The following VWF variants were observed in gnomAD, a reference collection of about 807,000 sequenced individuals.
VWF encodes von Willebrand factor.
VWF carries 176 observed loss-of-function variants against 308.6 expected under a neutral mutation model. The ratio of observed to expected loss-of-function variants is 0.57; its 90% CI spans 0.50 to 0.65. The LOEUF (loss-of-function observed/expected upper bound fraction) is 0.65, where lower values mean the gene tolerates loss of function less well. Ranked by LOEUF, VWF falls within the 30% of genes least tolerant of loss-of-function variation. The probability of loss-of-function intolerance (pLI) is 0.00; values close to 1 mark genes in which losing one functional copy is unlikely to be tolerated. For synonymous variants in VWF, 1,385 were observed against 1,443.4 expected (o/e 0.96, Z 0.92); for missense variants, 3,146 against 3,648.2 (o/e 0.86, Z 3.55).
At chr12:6,109,224 C>T (rs1369888069) in intron 5 of VWF, among the ~76,000 whole-genome samples, 2 of 151,312 alleles carry the variant, frequency 1.3e-5, no homozygotes, top group Non-Finnish European at 2.9e-5. Context: ...TAAATACACA[C>T]ACACAGAGAC....
chr12:6,104,427 C>G (rs1945217934), intron 5 of VWF, among the ~76,000 whole-genome samples: 1 of 151,752 alleles, frequency 6.6e-6, no homozygotes, highest in African/African-American at 2.4e-5. Flanking sequence ...GTGGCTCACA[C>G]CTGTAATCCC....
At chr12:6,047,899 T>C (rs1176816890) in intron 16 of VWF, among the ~76,000 whole-genome samples, 2 of 152,180 alleles carry the variant, frequency 1.3e-5, no homozygotes, top group Non-Finnish European at 2.9e-5. Flanking sequence ...TCTGCAGACA[T>C]GTGTCCTAAT....
chr12:5,967,758 C>T (rs549845807), intron 46 of VWF, among the ~76,000 whole-genome samples, 156 bp from the exon 47 acceptor site: 1 of 152,332 alleles, frequency 6.6e-6, no homozygotes, highest in African/African-American at 2.4e-5. Flanking sequence ...CCTTCCCGTC[C>T]TCCCACCTCC....
Position 6,075,716 on chromosome 12 carries a change from G to A in VWF, c.658-165C>T, listed in dbSNP as rs1944835277. Among the ~76,000 whole-genome samples, 1 of 152,234 alleles carries A rather than the reference G, an allele frequency of 6.6e-6. No homozygotes were observed. The highest frequency in any genetic ancestry group is 2.1e-4 in the South Asian group (1 of 4,830). Reference sequence around the variant, plus strand: ...TCAATGCACCAGCCCATCGACCAAGGAAAAGATGCTGGACCCGTGCAATGT... The same window carrying A: ...TCAATGCACCAGCCCATCGACCAAGAAAAAGATGCTGGACCCGTGCAATGT... On this transcript the variant is annotated intron_variant, in intron 6 of 51. Transcript: ENST00000261405. The surrounding 1 kb of genome is among the most constrained non-coding windows in gnomAD (Gnocchi z 4.7).
chr12:6,065,400 C>G, intron 10 of VWF, 127 bp from the exon 11 acceptor site: 1 of 1,255,400 alleles, frequency 8.0e-7, no homozygotes, highest in Non-Finnish European at 1.1e-6. Flanking sequence ...TTTGCCCAAA[C>G]CAGTCTAAAA....
Position 6,016,617 on chromosome 12 carries a change from C to T in VWF, c.5210G>A (p.Ser1737Asn), listed in dbSNP as rs771900602. 1.2e-6 allele frequency: 2 copies of T among 1,614,210 alleles called. No homozygotes were observed. The highest frequency in any genetic ancestry group is 1.7e-6 in the Non-Finnish European group (2 of 1,180,044). ...CCATGGCACGTCAATGGTGGTGATG[C>T]TTCCATACTGCAGCACTGACACCTG... is the stretch of plus-strand genomic sequence containing the variant. Reference protein sequence around the residue: ...LTQVSVLQYGSITTIDVPWNV... With the variant: ...LTQVSVLQYGNITTIDVPWNV... Residue 1737 changes from serine (S) to asparagine (N), a missense_variant, in exon 30 of 52, where the codon AGC (serine) becomes AAC (asparagine). By Grantham distance (46) the Ser-to-Asn change is conservative. Around this residue, in one of 3 missense-constraint regions of VWF, gnomAD observed 853 missense variants for 1,177.8 expected, o/e 0.72. Coordinates refer to ENST00000261405, the MANE Select transcript of VWF (RefSeq NM_000552.5).
intron 14 of VWF, among the ~76,000 whole-genome samples, 180 bp from the exon 15 acceptor site, chr12:6,057,252 C>G (rs1413710082): frequency 1.3e-5 from 2 of 151,608 alleles, no homozygotes; most frequent in Non-Finnish European, 2.9e-5. Context: ...TCATCTAACG[C>G]TGAGTTTGTA....
chr12:6,013,723 A>C, intron 31 of VWF, 78 bp from the exon 32 acceptor site: 2 of 1,522,844 alleles, frequency 1.3e-6, no homozygotes, highest in East Asian at 4.5e-5. Flanking sequence ...TATATCCAGC[A>C]TCTGAATACA....
At position 6,073,691 on chromosome 12, in the gene VWF, C is replaced by A. The variant is rs200615283; in HGVS notation, c.925G>T (p.Ala309Ser). ...MEYRQCVSPCARTCQSLHINE... is the reference protein window; with the variant it reads ...MEYRQCVSPCSRTCQSLHINE... ...ATGTGCAGGCTCTGGCAGGTCCTGGCGCAAGGGGACACACACTGCCTATAC... is the reference window on the plus strand; with the variant it reads ...ATGTGCAGGCTCTGGCAGGTCCTGGAGCAAGGGGACACACACTGCCTATAC... The change falls in exon 8 of 52, where the codon GCC becomes TCC. Residue 309 changes from alanine to serine, a missense_variant. By Grantham distance (99) the Ala-to-Ser change is moderately conservative. Transcript: ENST00000261405. 123 of 1,614,068 alleles carry A rather than the reference C, an allele frequency of 7.6e-5. No individual in the cohort carries two copies. The African/African-American group carries it at 1.2e-3, about 16-fold the overall frequency.
At chr12:5,967,697 G>T in intron 46 of VWF, 95 bp from the exon 47 acceptor site, 1 of 1,088,388 alleles carries the variant, frequency 9.2e-7, no homozygotes, top group Non-Finnish European at 1.4e-6. Flanking sequence ...CCCACCCATA[G>T]CTCCCATGAG....
chr12:5,968,673 G>A lies in VWF; in HGVS notation c.7730-506C>T, dbSNP rs138805584. ...TAGCCGAGTGTGGTGGCGCACGCCT[G>A]TAATCCCAGCTACTTGGAGGCTGAG... On this transcript the variant is annotated intron_variant, in intron 45 of 51. Coordinates refer to ENST00000261405, the MANE Select transcript of VWF (RefSeq NM_000552.5). 7.9e-3 allele frequency among the ~76,000 whole-genome samples: 1,200 copies of A among 152,244 alleles called. 5 individuals carry two copies. The highest frequency in any genetic ancestry group is 0.019 in the South Asian group (93 of 4,826).
At chr12:6,097,626 G>A (rs1945118978) in intron 5 of VWF, among the ~76,000 whole-genome samples, 1 of 152,162 alleles carries the variant, frequency 6.6e-6, no homozygotes, top group Non-Finnish European at 1.5e-5. Flanking sequence ...AGCTTCTGGA[G>A]GGAGTTTTGG....
intron 18 of VWF, among the ~76,000 whole-genome samples, chr12:6,038,574 C>T (rs1300026939): frequency 6.6e-6 from 1 of 151,744 alleles, no homozygotes; most frequent in Non-Finnish European, 1.5e-5. Context: ...CAGCCCTCCT[C>T]CAGCGGACAG....
chr12:6,085,862 C>T (rs560322194), intron 6 of VWF, among the ~76,000 whole-genome samples: 4 of 152,138 alleles, frequency 2.6e-5, no homozygotes, highest in South Asian at 2.1e-4. Context: ...CAAACCTGCA[C>T]GTTCAGCACA....
Position 6,016,169 on chromosome 12 carries a change from G to T in VWF, c.5375C>A (p.Ala1792Asp), listed in dbSNP as rs1385224712. The change falls in exon 31 of 52, where the codon GCC (alanine) becomes GAC (aspartate). Residue 1792 changes from alanine to aspartate, a missense_variant. By Grantham distance (126) the Ala-to-Asp change is moderately radical (BLOSUM62 -2). Around this residue, in one of 3 missense-constraint regions of VWF, gnomAD observed 853 missense variants for 1,177.8 expected, o/e 0.72. Coordinates refer to ENST00000261405, the MANE Select transcript of VWF (RefSeq NM_000552.5). ...TSEMHGARPG[A>D]SKAVVILVTD... ...GACCAGGATGACCACCGCCTTTGAG[G>T]CTCCCGGCCTGGCACCATGCATTTC... 1 of 1,614,172 alleles carries T rather than the reference G, an allele frequency of 6.2e-7. No individual in the cohort carries two copies. Among genetic ancestry groups the T allele is most frequent in the South Asian group, 1.1e-5 (1 of 91,078 alleles).
At chr12:6,034,257 C>T (rs1218064588) in intron 20 of VWF, among the ~76,000 whole-genome samples, 2 of 152,224 alleles carry the variant, frequency 1.3e-5, no homozygotes, top group Non-Finnish European at 2.9e-5. Context: ...ACAACACCTG[C>T]AGACTGTGCA....
At chr12:6,016,045 A>C (rs768368868) in intron 31 of VWF, 44 bp downstream of exon 31, 1 of 1,613,252 alleles carries the variant, frequency 6.2e-7, no homozygotes, top group Non-Finnish European at 8.5e-7. Flanking sequence ...ATCATTTCTG[A>C]AGTCTCGCTC....
Position 6,058,460 on chromosome 12 carries a change from C to A in VWF, c.1534-416G>T, listed in dbSNP as rs1944617478. The stretch of plus-strand genomic sequence containing the variant: ...CACACCAGTGGGCCTGACCCCCCCA[C>A]CCAGAGTTACGTGCAAACTCAAGGC... On this transcript the variant is annotated intron_variant, in intron 13 of 51. Transcript: ENST00000261405. The surrounding 1 kb of genome is among the most constrained non-coding windows in gnomAD (Gnocchi z 4.9). 6.6e-6 allele frequency among the ~76,000 whole-genome samples: 1 copy of A among 152,182 alleles called. No homozygotes were observed. Among genetic ancestry groups the A allele is most frequent in the Non-Finnish European group, 1.5e-5 (1 of 68,038 alleles).
chr12:6,040,924 G>C (rs1041634794), intron 18 of VWF, among the ~76,000 whole-genome samples: 1 of 152,202 alleles, frequency 6.6e-6, no homozygotes, highest in Non-Finnish European at 1.5e-5. Flanking sequence ...AGGCACCTTA[G>C]AGGAGGAGAG....
Sources: allele counts gnomAD v4.1 joint callset (sites outside exome capture counted in the v4.1 genomes callset), GRCh38; gene constraint gnomAD v4.1.1; regional missense constraint gnomAD v4.1.1; non-coding constraint Gnocchi (gnomAD v3.1); transcripts MANE v1.5; gene names NCBI Gene and HGNC (gene_info 2026-07-23, HGNC 2026-07-21).